Variants in PAK1IP1 observed in about 807,000 individuals in gnomAD.
The protein encoded by PAK1IP1 is PAK1 interacting protein 1.
Under a neutral mutation model 42.0 loss-of-function variants are expected in PAK1IP1, and 24 were observed. The observed-to-expected ratio is 0.57, with a 90% confidence interval of 0.41 to 0.80. PAK1IP1 has a LOEUF of 0.80. Among genes scored for constraint, PAK1IP1 ranks in the 30% least tolerant of loss-of-function variants. The pLI is 0.00. For missense variants in PAK1IP1, 411 were observed against 467.9 expected, an observed-to-expected ratio of 0.88 and a Z score of 1.12; for synonymous variants, 154 against 156.7, an observed-to-expected ratio of 0.98 and a Z score of 0.13.
chr6:10,691,285 G>C (rs145210898), upstream of PAK1IP1, among the ~76,000 whole-genome samples: 844 of 152,248 alleles, frequency 5.5e-3, 7 homozygotes, highest in African/African-American at 0.019. Flanking sequence ...GGGATCTTCG[G>C]CAAGACTCAC....
chr6:10,703,345 T>C (rs1299154151), intron 4 of PAK1IP1, 60 bp from the exon 5 acceptor site: 2 of 1,281,186 alleles, frequency 1.6e-6, no homozygotes, highest in Non-Finnish European at 2.3e-6. Flanking sequence ...ATGCTTGTTC[T>C]TTTACGCTTA....
chr6:10,692,803 A>T (rs1387738729), upstream of PAK1IP1, among the ~76,000 whole-genome samples: 1 of 152,104 alleles, frequency 6.6e-6, no homozygotes, highest in Non-Finnish European at 1.5e-5. Context: ...GGATTACAGG[A>T]GTGAGCCACC....
chr6:10,697,377 A>C lies in PAK1IP1; in HGVS notation c.138A>C (p.Ser46=). ...ACCATGCTCACACTGCCTCCTTGTCAGCAGTAGCTGTAAATAGTCGTTTTG... is the reference window on the plus strand; with the variant it reads ...ACCATGCTCACACTGCCTCCTTGTCCGCAGTAGCTGTAAATAGTCGTTTTG... The part of the protein sequence containing the change: ...FTHHAHTASL[S]AVAVNSRFVV... Residue 46 remains serine (S), a synonymous_variant, in exon 2 of 10, where the codon TCA becomes TCC. Transcript: ENST00000379568. 6.2e-7 allele frequency: 1 copy of C among 1,614,030 alleles called. No homozygotes were observed. The highest frequency in any genetic ancestry group is 8.5e-7 in the Non-Finnish European group (1 of 1,179,894).
chr6:10,691,999 T>C (rs75321218), upstream of PAK1IP1, among the ~76,000 whole-genome samples: 2,202 of 152,314 alleles, frequency 0.014, 27 homozygotes, highest in Non-Finnish European at 0.023. Flanking sequence ...AATAATCACC[T>C]TTTTATGGTG....
In PAK1IP1 at chr6:10,700,070, C is replaced by T. The variant is rs1279031575; in HGVS notation, c.248-2299C>T. On this transcript the variant is annotated intron_variant, in intron 2 of 9. Coordinates refer to ENST00000379568, the MANE Select transcript of PAK1IP1 (RefSeq NM_017906.3). The stretch of plus-strand genomic sequence containing the variant: ...ACGAAAAAAACAACTTTTTTTTTGG[C>T]GGGGGCGGGGGGGCTTCTCGCTCTG... Among the ~76,000 whole-genome samples the T allele has an allele frequency of 4.1e-5, 6 of 146,118 alleles. No homozygotes were observed. The Admixed American group carries it at 4.2e-4, about 10-fold the overall frequency.
intron 2 of PAK1IP1, among the ~76,000 whole-genome samples, chr6:10,700,470 T>A (rs935548820): frequency 3.3e-5 from 5 of 152,200 alleles, no homozygotes; most frequent in Admixed American, 2.6e-4. Flanking sequence ...AACTATCACA[T>A]TGGCAACTAA....
At chr6:10,699,296 G>A (rs1435200010) in intron 2 of PAK1IP1, among the ~76,000 whole-genome samples, 1 of 152,030 alleles carries the variant, frequency 6.6e-6, no homozygotes, top group African/African-American at 2.4e-5. Flanking sequence ...GAGTGTGAGT[G>A]CAGAGAGGCA....
chr6:10,701,588 A>G (rs1393456030), intron 2 of PAK1IP1, among the ~76,000 whole-genome samples: 3 of 152,334 alleles, frequency 2.0e-5, no homozygotes, highest in South Asian at 2.1e-4. Flanking sequence ...GGGAGAGGAA[A>G]ATATGAACAA....
chr6:10,707,617 T>TAA, intron 8 of PAK1IP1, 103 bp downstream of exon 8: 1 of 695,040 alleles, frequency 1.4e-6, no homozygotes, highest in Admixed American at 2.4e-5. Context: ...TTAAACTTTT[T>TAA]AAATCTCTTC....
chr6:10,707,139 G>T (rs1160401546), intron 7 of PAK1IP1, among the ~76,000 whole-genome samples: 1 of 152,152 alleles, frequency 6.6e-6, no homozygotes, highest in Non-Finnish European at 1.5e-5. Context: ...CTCATCTTTA[G>T]TTCCTTTGTG....
At chr6:10,700,431 C>CCAT (rs932072616) in intron 2 of PAK1IP1, among the ~76,000 whole-genome samples, 4 of 152,200 alleles carry the variant, frequency 2.6e-5, no homozygotes, top group Non-Finnish European at 5.9e-5. Context: ...GACTTAGTCA[C>CCAT]CATCACCTCC....
chr6:10,709,283 C>A lies in PAK1IP1; in HGVS notation c.1010C>A (p.Thr337Lys). The A allele has an allele frequency of 6.2e-7, 1 of 1,613,788 alleles. No individual in the cohort carries two copies. Among genetic ancestry groups the A allele is most frequent in the Non-Finnish European group, 8.5e-7 (1 of 1,179,950 alleles). Reference protein sequence around the residue: ...SKIGKKEPGDTVHKEEKRSKP... With the variant: ...SKIGKKEPGDKVHKEEKRSKP... ...ATTGGCAAAAAGGAGCCTGGTGACA[C>A]AGTGCACAAAGAAGAAAAGCGGTCA... The change falls in exon 10 of 10, where the codon ACA becomes AAA. Residue 337 changes from threonine to lysine, a missense_variant. Transcript: ENST00000379568.
upstream of PAK1IP1, among the ~76,000 whole-genome samples, chr6:10,691,283 C>T (rs906495253): frequency 1.3e-5 from 2 of 152,276 alleles, no homozygotes; most frequent in Non-Finnish European, 2.9e-5. Context: ...CCGGGATCTT[C>T]GGCAAGACTC....
At position 10,704,795 on chromosome 6, in the gene PAK1IP1, G is replaced by T. The variant is rs1227761972; in HGVS notation, c.691G>T (p.Asp231Tyr). The change falls in exon 7 of 10, where the codon GAC becomes TAC. Residue 231 changes from aspartate to tyrosine, a missense_variant. Physicochemically the swap from Asp to Tyr is radical, Grantham distance 160. Transcript: ENST00000379568. ...AGDEEVIRFF[D>Y]CDSLVCLCEF... ...AGATGAAGAAGTTATAAGGTTTTTT[G>T]ACTGTGATTCACTAGTGTGCCTCTG... 1 of 1,613,798 alleles carries T rather than the reference G, an allele frequency of 6.2e-7. No individual in the cohort carries two copies. Among genetic ancestry groups the T allele is most frequent in the South Asian group, 1.1e-5 (1 of 91,058 alleles).
In PAK1IP1 at chr6:10,706,344, C is replaced by T. The variant is rs182265205; in HGVS notation, c.741-1071C>T. 1.4e-4 allele frequency among the ~76,000 whole-genome samples: 21 copies of T among 152,076 alleles called. No homozygotes were observed. The East Asian group carries it at 2.7e-3, about 20-fold the overall frequency. On this transcript the variant is annotated intron_variant, in intron 7 of 9. Coordinates refer to ENST00000379568, the MANE Select transcript of PAK1IP1 (RefSeq NM_017906.3). ...TAGGTGAGAATGAGCAAGGAGAAGA[C>T]GGTGGAAGCCAATCGGTGCCTGTAA...
intron 8 of PAK1IP1, among the ~76,000 whole-genome samples, chr6:10,708,603 A>C (rs1029324234): frequency 6.7e-6 from 1 of 149,148 alleles, no homozygotes; most frequent in Non-Finnish European, 1.5e-5. Context: ...ATATGTATAC[A>C]TGTGCTATGT....
At chr6:10,699,566 A>C (rs930237197) in intron 2 of PAK1IP1, among the ~76,000 whole-genome samples, 1 of 152,180 alleles carries the variant, frequency 6.6e-6, no homozygotes, top group Non-Finnish European at 1.5e-5. Context: ...CTGAACAGGT[A>C]AATTTTTTTC....
chr6:10,705,553 T>C (rs1430926174), intron 7 of PAK1IP1, among the ~76,000 whole-genome samples: 1 of 148,352 alleles, frequency 6.7e-6, no homozygotes, highest in African/African-American at 2.6e-5. Context: ...GAGAAGTGAA[T>C]TGACGTTATT....
At chr6:10,699,783 T>A (rs1173380687) in intron 2 of PAK1IP1, among the ~76,000 whole-genome samples, 1 of 152,218 alleles carries the variant, frequency 6.6e-6, no homozygotes, top group African/African-American at 2.4e-5. Flanking sequence ...ATGGCTTCCT[T>A]CTATTAGGTG....
Sources: gnomAD v4.1 joint callset for allele counts (sites outside exome capture counted in the v4.1 genomes callset) on GRCh38, gnomAD v4.1.1 for gene constraint, MANE v1.5 for transcripts, NCBI Gene and HGNC (gene_info 2026-07-23, HGNC 2026-07-21) for gene names.